Variants in DNAH7 observed in about 807,000 individuals in gnomAD.
DNAH7 encodes the protein axonemal beta dynein heavy chain 7.
Under a neutral mutation model 444.6 loss-of-function variants are expected in DNAH7, and 397 were observed. That is an observed-to-expected ratio of 0.89 (90% CI 0.82 to 0.97). The LOEUF is 0.97. Among genes scored for constraint, DNAH7 ranks in the 50% least tolerant of loss-of-function variants. The pLI is 0.00. For missense variants in DNAH7, 4,902 were observed against 4,800.8 expected, an observed-to-expected ratio of 1.02 and a Z score of -0.62; for synonymous variants, 1,636 against 1,624.4, an observed-to-expected ratio of 1.01 and a Z score of -0.17.
chr2:195,880,630 G>A (rs780411019), intron 36 of DNAH7, among the ~76,000 whole-genome samples: 8 of 152,052 alleles, frequency 5.3e-5, no homozygotes, highest in Non-Finnish European at 8.8e-5. Context: ...GAGCCACTGC[G>A]CCCGGCCTGC....
intron 3 of DNAH7, among the ~76,000 whole-genome samples, chr2:196,049,343 T>C (rs1422714608): frequency 1.3e-5 from 2 of 152,196 alleles, no homozygotes; most frequent in Non-Finnish European, 2.9e-5. Context: ...GCCCTTCCCA[T>C]TTCTCAACTC....
At chr2:195,905,539 T>C (rs1686960169) in intron 27 of DNAH7, 1 of 152,132 alleles carries the variant, frequency 6.6e-6, no homozygotes, top group Admixed American at 6.6e-5. Context: ...AGTCTAAGCA[T>C]GTGAAGTGTG....
chr2:195,775,285 T>A (rs1695011343), intron 60 of DNAH7, among the ~76,000 whole-genome samples: 1 of 152,198 alleles, frequency 6.6e-6, no homozygotes, highest in African/African-American at 2.4e-5. Context: ...ATCTACAAAT[T>A]CTTCTCCTAT....
chr2:195,860,005 G>C (rs1462658554), intron 42 of DNAH7, among the ~76,000 whole-genome samples: 1 of 152,076 alleles, frequency 6.6e-6, no homozygotes, highest in Non-Finnish European at 1.5e-5. Context: ...TCACAGGATA[G>C]GAATTCTAGT....
rs547834503 is a variant in DNAH7 at position 195,765,438 on chromosome 2, G to A, written c.11433+6222C>T. 1.1e-3 allele frequency among the ~76,000 whole-genome samples: 169 copies of A among 152,136 alleles called. 2 individuals are homozygous for A. Among genetic ancestry groups the A allele is most frequent in the African/African-American group, 3.9e-3 (160 of 41,542 alleles). On this transcript the variant is annotated intron_variant, in intron 61 of 64. Transcript: ENST00000312428. ...AGAAGCAATCAATAAAATGAACAGAGAACACAGAGAATGGGAGAAAATATT... is the reference window on the plus strand; with the variant it reads ...AGAAGCAATCAATAAAATGAACAGAAAACACAGAGAATGGGAGAAAATATT...
At chr2:195,980,987 T>A (rs1692534820) in intron 15 of DNAH7, among the ~76,000 whole-genome samples, 1 of 152,064 alleles carries the variant, frequency 6.6e-6, no homozygotes, top group Non-Finnish European at 1.5e-5. Context: ...GTACTAGAAG[T>A]CCTAGCTAGA....
chr2:195,822,630 A>G (rs889514129), intron 49 of DNAH7, among the ~76,000 whole-genome samples: 1 of 152,200 alleles, frequency 6.6e-6, no homozygotes, highest in Non-Finnish European at 1.5e-5. Flanking sequence ...ATAATAAAGC[A>G]ATAAGACACT....
chr2:195,781,976 T>TACAAACACAC (rs1553518635), intron 58 of DNAH7, among the ~76,000 whole-genome samples: 1 of 129,754 alleles, frequency 7.7e-6, no homozygotes, highest in African/African-American at 3.0e-5. Flanking sequence ...GTGGGTCTTA[T>TACAAACACAC]ACACACACAC....
At chr2:195,746,404 C>CT (rs552970184) in intron 63 of DNAH7, among the ~76,000 whole-genome samples, 1,652 of 152,284 alleles carry the variant, frequency 0.011, 17 homozygotes, top group Non-Finnish European at 0.018. Flanking sequence ...TAATGAGAGA[C>CT]TTTAACACCC....
At chr2:195,955,036 C>T (rs1434865574) in intron 19 of DNAH7, among the ~76,000 whole-genome samples, 1 of 152,134 alleles carries the variant, frequency 6.6e-6, no homozygotes, top group East Asian at 1.9e-4. Flanking sequence ...TAATTATACC[C>T]CATTTGTCAA....
At position 195,822,178 on chromosome 2, in the gene DNAH7, T is replaced by C. The variant is rs559489268; in HGVS notation, c.9291+2077A>G. Among the ~76,000 whole-genome samples, 352 of 152,346 alleles carry C rather than the reference T, an allele frequency of 2.3e-3. 1 individual carries two copies. The highest frequency in any genetic ancestry group is 7.9e-3 in the African/African-American group (328 of 41,584). On this transcript the variant is annotated intron_variant, in intron 49 of 64. Transcript: ENST00000312428. ...CTTTGCCATTTATTCATGGAAAAAG[T>C]ATAAAGCTTTGAAGATATTTTCCCT...
chr2:196,012,947 T>C (rs1339254475), intron 9 of DNAH7, 41 bp from the exon 10 acceptor site: 1 of 1,364,030 alleles, frequency 7.3e-7, no homozygotes, highest in African/African-American at 1.5e-5. Context: ...ACAATGACTT[T>C]TTTGGTATTT....
At chr2:195,969,835 T>G (rs1044420748) in intron 17 of DNAH7, 113 bp downstream of exon 17, 1 of 1,052,782 alleles carries the variant, frequency 9.5e-7, no homozygotes. Flanking sequence ...ATCCTCTAAT[T>G]AAATGTGGTT....
At chr2:195,842,505 A>G (rs562954250) in intron 47 of DNAH7, among the ~76,000 whole-genome samples, 4 of 152,266 alleles carry the variant, frequency 2.6e-5, no homozygotes, top group African/African-American at 7.2e-5. Context: ...CTGATACTTC[A>G]AAGTGATCAC....
At chr2:195,872,504 G>T in intron 39 of DNAH7, 35 bp from the exon 40 acceptor site, 2 of 1,420,688 alleles carry the variant, frequency 1.4e-6, no homozygotes, top group South Asian at 1.3e-5. Flanking sequence ...AAAGGAAAAT[G>T]TTAGCAATTA....
intron 40 of DNAH7, 24 bp from the exon 41 acceptor site, chr2:195,865,045 T>A (rs201835342): frequency 6.5e-7 from 1 of 1,530,758 alleles, no homozygotes; most frequent in East Asian, 2.3e-5. Flanking sequence ...AAAAAGCAGC[T>A]TTAGAAACTT....
At chr2:195,942,636 C>A (rs1689535819) in intron 19 of DNAH7, among the ~76,000 whole-genome samples, 1 of 152,018 alleles carries the variant, frequency 6.6e-6, no homozygotes, top group South Asian at 2.1e-4. Flanking sequence ...TATTTCTTCC[C>A]TGGACACTGA....
chr2:195,828,116 T>C (rs1697871860), intron 48 of DNAH7, among the ~76,000 whole-genome samples: 1 of 152,162 alleles, frequency 6.6e-6, no homozygotes, highest in South Asian at 2.1e-4. Context: ...CAAGTATCTC[T>C]TGGAGATAAG....
chr2:195,849,730 G>A (rs893076092), intron 46 of DNAH7, among the ~76,000 whole-genome samples: 1 of 151,926 alleles, frequency 6.6e-6, no homozygotes, highest in Non-Finnish European at 1.5e-5. Flanking sequence ...CCTCCAAGCA[G>A]GACTGGGACT....
Sources: gnomAD v4.1 joint callset for allele counts (sites outside exome capture counted in the v4.1 genomes callset) on GRCh38, gnomAD v4.1.1 for gene constraint, MANE v1.5 for transcripts, NCBI Gene and HGNC (gene_info 2026-07-23, HGNC 2026-07-21) for gene names.